The following VPS35L variants were observed in gnomAD, a reference collection of about 807,000 sequenced individuals.
VPS35L encodes VPS35 endosomal protein-sorting factor-like.
VPS35L carries 83 observed loss-of-function variants against 133.0 expected under a neutral mutation model. The ratio of observed to expected loss-of-function variants is 0.62; its 90% confidence interval spans 0.52 to 0.75. The LOEUF (loss-of-function observed/expected upper bound fraction) is 0.75. VPS35L is among the 30% of genes least tolerant of loss of function. The pLI, the probability that VPS35L is intolerant of heterozygous loss-of-function variation, is 0.00. For synonymous variants in VPS35L, 423 were observed against 449.9 expected (o/e 0.94, Z 0.76); for missense variants, 1,083 against 1,206.8 (o/e 0.90, Z 1.52).
chr16:19,597,082 T>G (rs226860), intron 8 of VPS35L, among the ~76,000 whole-genome samples: 1 of 151,426 alleles, frequency 6.6e-6, no homozygotes, highest in South Asian at 2.1e-4. Context: ...AGGAAAGGGC[T>G]GGGCATGGTG....
chr16:19,575,214 T>C, intron 5 of VPS35L, 92 bp downstream of exon 5: 2 of 1,198,508 alleles, frequency 1.7e-6, no homozygotes, highest in Non-Finnish European at 2.4e-6. Context: ...GTGATATGAT[T>C]CTGATGTTTG....
chr16:19,626,656 G>A (rs1306988982), intron 15 of VPS35L, among the ~76,000 whole-genome samples: 2 of 152,126 alleles, frequency 1.3e-5, no homozygotes, highest in African/African-American at 4.8e-5. Flanking sequence ...CAGCTACTCA[G>A]GAGACTGGGG....
At chr16:19,575,232 T>C in intron 5 of VPS35L, 110 bp downstream of exon 5, 1 of 985,026 alleles carries the variant, frequency 1.0e-6, no homozygotes, top group South Asian at 1.4e-5. Flanking sequence ...TTGATTCAGT[T>C]GGAGCTGCTA....
chr16:19,585,032 C>T (rs7204180), intron 7 of VPS35L, among the ~76,000 whole-genome samples: 2,709 of 152,182 alleles, frequency 0.018, 92 homozygotes, highest in African/African-American at 0.063. Flanking sequence ...TTTTCTTTAG[C>T]ATAATATGTT....
chr16:19,561,485 G>A (rs1597299571), intron 1 of VPS35L, among the ~76,000 whole-genome samples: 1 of 152,352 alleles, frequency 6.6e-6, no homozygotes, highest in South Asian at 2.1e-4. Context: ...GAAATGACAT[G>A]GGAGCTCAAT....
chr16:19,651,366 G>A (rs1974116920), intron 25 of VPS35L, among the ~76,000 whole-genome samples: 1 of 151,378 alleles, frequency 6.6e-6, no homozygotes. Flanking sequence ...CCATATCCGG[G>A]TAATTTTTTT....
At chr16:19,582,207 A>G (rs1971733589) in intron 7 of VPS35L, 2 of 152,354 alleles carry the variant, frequency 1.3e-5, no homozygotes, top group South Asian at 4.1e-4. Flanking sequence ...AACAAGTACT[A>G]TGTGGAAAAC....
At chr16:19,557,334 T>C (rs1446524819) in intron 1 of VPS35L, among the ~76,000 whole-genome samples, 1 of 152,208 alleles carries the variant, frequency 6.6e-6, no homozygotes, top group Admixed American at 6.5e-5. Context: ...ACAGGTGCCA[T>C]AACGCTTTTA....
At chr16:19,568,927 G>A (rs1031780051) in intron 2 of VPS35L, among the ~76,000 whole-genome samples, 9 of 152,256 alleles carry the variant, frequency 5.9e-5, no homozygotes, top group Non-Finnish European at 1.2e-4. Flanking sequence ...ATACAGGCAT[G>A]AGCCACTGCA....
intron 1 of VPS35L, among the ~76,000 whole-genome samples, chr16:19,559,476 T>C (rs1293931890): frequency 1.3e-5 from 2 of 152,180 alleles, no homozygotes; most frequent in Non-Finnish European, 2.9e-5. Context: ...CCAGTTTATA[T>C]CAACTATGTT....
intron 11 of VPS35L, 58 bp from the exon 12 acceptor site, chr16:19,610,264 T>G: frequency 1.4e-6 from 2 of 1,422,160 alleles, no homozygotes; most frequent in South Asian, 1.2e-5. Context: ...TTTAAAAAAT[T>G]AAAGAACAGC....
At chr16:19,580,866 A>G (rs1971686920) in intron 6 of VPS35L, among the ~76,000 whole-genome samples, 1 of 152,088 alleles carries the variant, frequency 6.6e-6, no homozygotes. Flanking sequence ...ACATTTGAAT[A>G]TCTCTGAAAT....
intron 27 of VPS35L, among the ~76,000 whole-genome samples, chr16:19,673,741 A>G (rs1392036484): frequency 6.6e-6 from 1 of 152,164 alleles, no homozygotes; most frequent in Non-Finnish European, 1.5e-5. Flanking sequence ...CCACTCATTA[A>G]TACTCACTTC....
intron 26 of VPS35L, among the ~76,000 whole-genome samples, chr16:19,655,366 C>T (rs1974262921): frequency 6.6e-6 from 1 of 152,200 alleles, no homozygotes. Context: ...CATTCAATTA[C>T]TGAGAATGAG....
chr16:19,663,500 C>CT (rs1477403377), intron 26 of VPS35L, among the ~76,000 whole-genome samples: 1 of 151,498 alleles, frequency 6.6e-6, no homozygotes, highest in Non-Finnish European at 1.5e-5. Context: ...AGCTGTGTGA[C>CT]TTTTTGTCCT....
intron 26 of VPS35L, among the ~76,000 whole-genome samples, chr16:19,661,933 A>G (rs1221312611): frequency 6.6e-6 from 1 of 152,166 alleles, no homozygotes; most frequent in African/African-American, 2.4e-5. Flanking sequence ...AGGACTGAAC[A>G]TTTTACAGCA....
chr16:19,578,259 C>A (rs1315064145), intron 5 of VPS35L: 1 of 449,094 alleles, frequency 2.2e-6, no homozygotes, highest in Non-Finnish European at 4.4e-6. Context: ...TGCAGCTCGA[C>A]CCTAAGTCCA....
Position 19,669,184 on chromosome 16 carries a change from T to C in VPS35L, c.2246T>C (p.Ile749Thr). The C allele has an allele frequency of 6.2e-7, 1 of 1,611,140 alleles. No individual in the cohort carries two copies. Among genetic ancestry groups the C allele is most frequent in the Non-Finnish European group, 8.5e-7 (1 of 1,177,750 alleles). The stretch of plus-strand genomic sequence containing the variant: ...GCTGATGCTTTTTTCAAAGCCGCTA[T>C]AAGCCTTGTTCCGGAAGTTCCAAAG... ...SQADAFFKAA[I>T]SLVPEVPKMI... Residue 749 changes from isoleucine to threonine, a missense_variant, in exon 27 of 31, where the codon ATA becomes ACA. By Grantham distance (89) the Ile-to-Thr change is moderately conservative (BLOSUM62 -1). Transcript: ENST00000417362.
chr16:19,685,327 A>G (rs1470174152), intron 28 of VPS35L, among the ~76,000 whole-genome samples: 2 of 152,238 alleles, frequency 1.3e-5, no homozygotes, highest in Non-Finnish European at 2.9e-5. Context: ...TTAACTCAGC[A>G]TGATGTCCAA....
Sources: allele counts gnomAD v4.1 joint callset (sites outside exome capture counted in the v4.1 genomes callset), GRCh38; gene constraint gnomAD v4.1.1; transcripts MANE v1.5; gene names NCBI Gene and HGNC (gene_info 2026-07-23, HGNC 2026-07-21).